Variants in ZNF699 observed in about 807,000 individuals in gnomAD.
ZNF699 encodes the protein hangover homolog.
A neutral mutation model predicts 22.5 loss-of-function variants in ZNF699; 18 were observed. The observed-to-expected ratio is 0.80, with a 90% CI of 0.55 to 1.19. The LOEUF is 1.19. Among genes scored for constraint, ZNF699 ranks in the 50% most tolerant of loss-of-function variants. The probability of loss-of-function intolerance (pLI) is 0.00; values close to 1 mark genes in which losing one functional copy is unlikely to be tolerated. For missense variants in ZNF699, 670 were observed against 763.4 expected, an observed-to-expected ratio of 0.88 and a Z score of 1.44; for synonymous variants, 241 against 262.3, an observed-to-expected ratio of 0.92 and a Z score of 0.78.
intron 1 of ZNF699, among the ~76,000 whole-genome samples, chr19:9,309,063 T>C (rs755647252): frequency 1.3e-5 from 2 of 151,886 alleles, no homozygotes; most frequent in African/African-American, 2.4e-5. Context: ...TGGAGTGCAG[T>C]GATGCGATCT....
intron 1 of ZNF699, 126 bp from the exon 2 acceptor site, chr19:9,305,250 C>T: frequency 2.9e-6 from 2 of 698,508 alleles, no homozygotes; most frequent in African/African-American, 1.8e-5. Context: ...TAAGTAACAA[C>T]TCCCCTCAAA....
rs2066274944 is a variant in ZNF699, at chr19:9,293,812, T to C, written c.*1663A>G. ...TGATTATGGGGAAATAGTAGAGTTATACTTTTAAAGAGAAAATATAATAGG... is the reference window on the plus strand; with the variant it reads ...TGATTATGGGGAAATAGTAGAGTTACACTTTTAAAGAGAAAATATAATAGG... On this transcript the variant is annotated 3_prime_UTR_variant, in exon 6 of 6. Coordinates refer to ENST00000591998, the MANE Select transcript of ZNF699 (RefSeq NM_198535.3). Among the ~76,000 whole-genome samples the C allele has an allele frequency of 6.6e-6, 1 of 152,064 alleles. No homozygotes were observed. Among genetic ancestry groups the C allele is most frequent in the Non-Finnish European group, 1.5e-5 (1 of 68,014 alleles).
At chr19:9,305,532 C>T (rs1245198972) in intron 1 of ZNF699, among the ~76,000 whole-genome samples, 2 of 152,178 alleles carry the variant, frequency 1.3e-5, no homozygotes, top group African/African-American at 4.8e-5. Flanking sequence ...CACTCCCCAT[C>T]TCAAATTCAA....
intron 1 of ZNF699, among the ~76,000 whole-genome samples, chr19:9,308,766 T>C (rs1229680990): frequency 6.6e-6 from 1 of 152,198 alleles, no homozygotes; most frequent in Non-Finnish European, 1.5e-5. Context: ...CTGTCGGACA[T>C]TGTACTGGAG....
At position 9,297,192 on chromosome 19, in the gene ZNF699, CT is replaced by C; in HGVS notation, c.470+103del. The C allele has an allele frequency of 8.1e-7, 1 of 1,227,998 alleles. No individual in the cohort carries two copies. Among genetic ancestry groups the C allele is most frequent in the Non-Finnish European group, 1.1e-6 (1 of 893,492 alleles). 76.1% of individuals were successfully genotyped at this position (1,227,998 alleles called of 1,614,324 possible). A position where few individuals can be genotyped will look rare whatever the true frequency, so the allele number is the denominator to read the frequency against. ...TGAAAATTCTTTCTCAAACCACAAT[CT>C]TTGATCTAGGCTTATTTATATATAC... On this transcript the variant is annotated intron_variant, in intron 5 of 5. Transcript: ENST00000591998. The surrounding 1 kb of genome is among the most constrained non-coding windows in gnomAD (Gnocchi z 4.3).
At chr19:9,299,665 C>G (rs1390454285) in intron 3 of ZNF699, among the ~76,000 whole-genome samples, 1 of 152,060 alleles carries the variant, frequency 6.6e-6, no homozygotes, top group Non-Finnish European at 1.5e-5. Context: ...AATAATTGAG[C>G]TTCATTAACA....
chr19:9,305,707 A>ATT (rs531599382), intron 1 of ZNF699, among the ~76,000 whole-genome samples: 22 of 144,388 alleles, frequency 1.5e-4, no homozygotes, highest in African/African-American at 5.0e-4. Context: ...GCATCAGCCT[A>ATT]TTTTTTTTTT....
In ZNF699 at chr19:9,292,563, G is replaced by A. The variant is rs1387413009; in HGVS notation, c.*2912C>T. ...CTAGATAACATTTTTTTAGCCCCAG[G>A]ATTTAGCCATGTCTGAAGCTCGTTA... is the stretch of plus-strand genomic sequence containing the variant. On this transcript the variant is annotated 3_prime_UTR_variant, in exon 6 of 6. Coordinates refer to ENST00000591998, the MANE Select transcript of ZNF699 (RefSeq NM_198535.3). Among the ~76,000 whole-genome samples the A allele has an allele frequency of 6.6e-6, 1 of 152,138 alleles. No homozygotes were observed. Among genetic ancestry groups the A allele is most frequent in the Non-Finnish European group, 1.5e-5 (1 of 68,036 alleles).
At chr19:9,307,330 T>A (rs762114642) in intron 1 of ZNF699, among the ~76,000 whole-genome samples, 2 of 152,302 alleles carry the variant, frequency 1.3e-5, no homozygotes, top group African/African-American at 4.8e-5. Context: ...TTAGGTGACA[T>A]TTATCCTGAC....
rs2066319638 is a variant in ZNF699 at position 9,304,483 on chromosome 19, G to GC, written c.48+588dup. Among the ~76,000 whole-genome samples, 3 of 152,152 alleles carry GC rather than the reference G, an allele frequency of 2.0e-5. No individual in the cohort carries two copies. In the South Asian group the frequency reaches 6.2e-4, roughly 32 times the overall value. On this transcript the variant is annotated intron_variant, in intron 2 of 5. Coordinates refer to ENST00000591998, the MANE Select transcript of ZNF699 (RefSeq NM_198535.3). ...CTGGTCATACTTTCTTGTATTCTAG[G>GC]CCAGTGGTCAGCAAACTATGGCACA...
At chr19:9,306,993 G>T (rs2066329972) in intron 1 of ZNF699, among the ~76,000 whole-genome samples, 1 of 152,294 alleles carries the variant, frequency 6.6e-6, no homozygotes, top group South Asian at 2.1e-4. Flanking sequence ...ATGAGGTCAG[G>T]AGTTCAAGAC....
chr19:9,305,027 G>C (rs373512064), intron 2 of ZNF699, 45 bp downstream of exon 2: 3 of 1,527,868 alleles, frequency 2.0e-6, no homozygotes, highest in East Asian at 2.3e-5. Flanking sequence ...GGGAGACCTG[G>C]TACAATGGAA....
Position 9,295,930 on chromosome 19 carries a change from C to CTTA in ZNF699, c.1473_1474insTAA (p.Thr491_Glu492insTer). ...TCTCCGCTGTGAGTTCTTAGGTGTT[C>CTTA]GGTGAGGGATGAGGAACGACTAAAG... On this transcript the variant is annotated stop_gained and inframe_insertion, in exon 6 of 6. Coordinates refer to ENST00000591998, the MANE Select transcript of ZNF699 (RefSeq NM_198535.3). LOFTEE classifies it low-confidence loss of function (END_TRUNC). 1 of 1,613,774 alleles carries CTTA rather than the reference C, an allele frequency of 6.2e-7. No individual in the cohort carries two copies. Among genetic ancestry groups the CTTA allele is most frequent in the Non-Finnish European group, 8.5e-7 (1 of 1,179,952 alleles).
chr19:9,297,084 G>A lies in ZNF699; in HGVS notation c.471-151C>T. Reference sequence around the variant, plus strand: ...ACTGTCACTGAGTTATTGACTCACGGGATTTTTCTGATAATTGTTTACAAC... The same window carrying A: ...ACTGTCACTGAGTTATTGACTCACGAGATTTTTCTGATAATTGTTTACAAC... On this transcript the variant is annotated intron_variant, in intron 5 of 5. Coordinates refer to ENST00000591998, the MANE Select transcript of ZNF699 (RefSeq NM_198535.3). This position sits in a 1 kb window ranked among gnomAD's most constrained non-coding sequence, Gnocchi z 4.3. 1 of 835,642 alleles carries A rather than the reference G, an allele frequency of 1.2e-6. No individual in the cohort carries two copies. The highest frequency in any genetic ancestry group is 1.8e-6 in the Non-Finnish European group (1 of 560,922). The allele number at this position is 835,642 out of a possible 1,614,324, so 51.8% of individuals were successfully genotyped here.
rs371676331 is a variant in ZNF699 at position 9,296,535 on chromosome 19, C to T, written c.869G>A (p.Cys290Tyr). The T allele has an allele frequency of 6.2e-7, 1 of 1,613,776 alleles. No individual in the cohort carries two copies. Among genetic ancestry groups the T allele is most frequent in the African/African-American group, 1.3e-5 (1 of 74,808 alleles). ...TTTGTGTTCTGTGAGCGATGAGGAA[C>T]AACTAAAACCTTTCCCACATTCTTT... ...ECKECGKGFS[C>Y]SSSLTEHKRI... Residue 290 changes from cysteine to tyrosine, a missense_variant, in exon 6 of 6, where the codon TGT becomes TAT. Coordinates refer to ENST00000591998, the MANE Select transcript of ZNF699 (RefSeq NM_198535.3).
intron 2 of ZNF699, among the ~76,000 whole-genome samples, 195 bp from the exon 3 acceptor site, chr19:9,302,699 C>A (rs1413337142): frequency 6.6e-6 from 1 of 152,148 alleles, no homozygotes; most frequent in Admixed American, 6.5e-5. Flanking sequence ...CTGATCAAAT[C>A]CTGGCTTATA....
In ZNF699 at chr19:9,296,055, T is replaced by G; in HGVS notation, c.1349A>C (p.Lys450Thr). 1.2e-6 allele frequency: 2 copies of G among 1,614,138 alleles called. No homozygotes were observed. The highest frequency in any genetic ancestry group is 1.7e-6 in the Non-Finnish European group (2 of 1,180,018). The change falls in exon 6 of 6, where the codon AAG becomes ACG. Residue 450 changes from lysine (K) to threonine (T), a missense_variant. Transcript: ENST00000591998. ...NQSREKPYEC[K>T]ECGKAFSCPS... Reference sequence around the variant, plus strand: ...ACAACTAAAGGCCTTCCCACATTCCTTACATTCATAGGGTTTCTCTCGACT... The same window carrying G: ...ACAACTAAAGGCCTTCCCACATTCCGTACATTCATAGGGTTTCTCTCGACT...
At chr19:9,301,137 A>AAGAG (rs57187431) in intron 3 of ZNF699, among the ~76,000 whole-genome samples, 370 of 144,572 alleles carry the variant, frequency 2.6e-3, no homozygotes, top group African/African-American at 4.7e-3. Context: ...ACAAAAAAAA[A>AAGAG]AGAGAGAGAG....
intron 1 of ZNF699, among the ~76,000 whole-genome samples, chr19:9,306,461 A>G (rs1239390653): frequency 6.6e-6 from 1 of 152,080 alleles, no homozygotes; most frequent in Non-Finnish European, 1.5e-5. Context: ...ACAAATTTCA[A>G]ACAACGACAT....
Sources: gnomAD v4.1 joint callset for allele counts (sites outside exome capture counted in the v4.1 genomes callset) on GRCh38, gnomAD v4.1.1 for gene constraint, Gnocchi (gnomAD v3.1) non-coding constraint, MANE v1.5 for transcripts, NCBI Gene and HGNC (gene_info 2026-07-23, HGNC 2026-07-21) for gene names.